The following B3GALT1 variants were observed in gnomAD, a reference collection of about 807,000 sequenced individuals.
B3GALT1 encodes beta-1,3-galactosyltransferase 1, also known as UDP-Gal:betaGlcNAc beta 1,3-galactosyltransferase, polypeptide 1.
Under a neutral mutation model 23.2 loss-of-function variants are expected in B3GALT1, and 10 were observed. The ratio of observed to expected loss-of-function variants is 0.43; its 90% CI spans 0.27 to 0.73. The LOEUF is 0.73. Ranked by LOEUF, B3GALT1 falls within the 30% of genes least tolerant of loss-of-function variation. B3GALT1 has a pLI of 0.21. For synonymous variants in B3GALT1, 156 were observed against 141.5 expected (o/e 1.10, Z -0.73); for missense variants, 299 against 405.4 (o/e 0.74, Z 2.25).
At chr2:167,444,852 T>A (rs1323815378) in intron 1 of B3GALT1, among the ~76,000 whole-genome samples, 1 of 152,198 alleles carries the variant, frequency 6.6e-6, no homozygotes, top group East Asian at 1.9e-4. Context: ...GAGTTTTTTG[T>A]GTCTGTATCT....
At chr2:167,303,686 G>C (rs1340276677) in intron 1 of B3GALT1, among the ~76,000 whole-genome samples, 4 of 136,844 alleles carry the variant, frequency 2.9e-5, no homozygotes, top group African/African-American at 1.1e-4. Context: ...CACACACAGA[G>C]AGAGACCTTG....
intron 3 of B3GALT1, among the ~76,000 whole-genome samples, chr2:167,696,397 A>G (rs557535807): frequency 6.1e-4 from 93 of 151,918 alleles, no homozygotes; most frequent in African/African-American, 2.2e-3. Context: ...GTAGGTGCTC[A>G]ATTAATGATG....
intron 3 of B3GALT1, among the ~76,000 whole-genome samples, chr2:167,718,984 G>A (rs537225919): frequency 1.2e-4 from 19 of 152,072 alleles, no homozygotes; most frequent in Non-Finnish European, 2.1e-4. Context: ...GAATTCTAGC[G>A]TACAATTTAA....
chr2:167,435,989 A>ACGCACG (rs1553519040), intron 1 of B3GALT1, among the ~76,000 whole-genome samples: 1 of 106,054 alleles, frequency 9.4e-6, no homozygotes, highest in African/African-American at 5.9e-5. Flanking sequence ...ACACGCACAC[A>ACGCACG]CACACACGCA....
chr2:167,664,439 A>G (rs1214262300), intron 3 of B3GALT1, among the ~76,000 whole-genome samples: 3 of 151,976 alleles, frequency 2.0e-5, no homozygotes, highest in African/African-American at 7.3e-5. Flanking sequence ...TGACTTGGCA[A>G]TGCGGGCTCT....
intron 3 of B3GALT1, among the ~76,000 whole-genome samples, chr2:167,771,222 A>G (rs2105308537): frequency 6.6e-6 from 1 of 152,332 alleles, no homozygotes; most frequent in African/African-American, 2.4e-5. Flanking sequence ...TGCCTGACAT[A>G]TATTGGCATC....
chr2:167,787,751 C>T (rs573849818), intron 3 of B3GALT1, among the ~76,000 whole-genome samples: 29 of 152,270 alleles, frequency 1.9e-4, no homozygotes, highest in Admixed American at 3.9e-4. Context: ...TTTCCCAAGA[C>T]GACTCCCTTG....
intron 1 of B3GALT1, among the ~76,000 whole-genome samples, chr2:167,464,344 G>A (rs1382306678): frequency 6.6e-6 from 1 of 152,146 alleles, no homozygotes; most frequent in African/African-American, 2.4e-5. Context: ...TCTTTTCAGA[G>A]AAGAATTGAG....
intron 2 of B3GALT1, among the ~76,000 whole-genome samples, chr2:167,530,547 T>C (rs1490697105): frequency 2.0e-5 from 3 of 152,208 alleles, no homozygotes; most frequent in African/African-American, 7.2e-5. Flanking sequence ...TGGATTGGAC[T>C]GAATAATCCA....
chr2:167,360,705 C>T (rs1697486259), intron 1 of B3GALT1, among the ~76,000 whole-genome samples: 3 of 152,204 alleles, frequency 2.0e-5, no homozygotes, highest in Admixed American at 1.3e-4. Flanking sequence ...GTTATCTTTT[C>T]TTTATGTTAG....
At chr2:167,387,782 A>T (rs1697950248) in intron 1 of B3GALT1, among the ~76,000 whole-genome samples, 1 of 152,220 alleles carries the variant, frequency 6.6e-6, no homozygotes, top group Non-Finnish European at 1.5e-5. Flanking sequence ...GGAAAAAAAA[A>T]TAGTTAGTGT....
At chr2:167,435,433 C>CAAAAAAA (rs1159357073) in intron 1 of B3GALT1, among the ~76,000 whole-genome samples, 8 of 26,212 alleles carry the variant, frequency 3.1e-4, no homozygotes, top group South Asian at 1.4e-3. Flanking sequence ...CATATGCTTG[C>CAAAAAAA]AAAAAAAAAA....
intron 2 of B3GALT1, among the ~76,000 whole-genome samples, chr2:167,561,059 A>G (rs1683976475): frequency 6.6e-6 from 1 of 152,142 alleles, no homozygotes; most frequent in African/African-American, 2.4e-5. Context: ...GTTGGAAGTA[A>G]AGCTCTCCTC....
At chr2:167,303,456 T>A (rs1696487340) in intron 1 of B3GALT1, among the ~76,000 whole-genome samples, 1 of 152,146 alleles carries the variant, frequency 6.6e-6, no homozygotes, top group Non-Finnish European at 1.5e-5. Flanking sequence ...ACATTATTTA[T>A]GGGTATGTCT....
intron 1 of B3GALT1, among the ~76,000 whole-genome samples, chr2:167,293,856 G>A (rs1436085271): frequency 6.6e-6 from 1 of 151,544 alleles, no homozygotes; most frequent in East Asian, 2.0e-4. Context: ...TTTGCCCCGG[G>A]GACTTCGGAG....
Position 167,622,926 on chromosome 2 carries a change from G to A in B3GALT1, c.-409-23983G>A, listed in dbSNP as rs544844296. ...TGACTATGGAGTGTGAACTGTAATC[G>A]TGGACTCAAGATCAAACAGTCAAGA... On this transcript the variant is annotated intron_variant, in intron 2 of 4. Transcript: ENST00000392690. Among the ~76,000 whole-genome samples, 17 of 152,032 alleles carry A rather than the reference G, an allele frequency of 1.1e-4. No homozygotes were observed. In the East Asian group the frequency reaches 2.7e-3, roughly 24 times the overall value.
At chr2:167,834,743 G>C (rs985640790) in intron 4 of B3GALT1, among the ~76,000 whole-genome samples, 1 of 152,068 alleles carries the variant, frequency 6.6e-6, no homozygotes, top group Non-Finnish European at 1.5e-5. Flanking sequence ...CAGCTACTCA[G>C]GAGGCTGAAG....
At chr2:167,798,259 C>A (rs1373963192) in intron 3 of B3GALT1, among the ~76,000 whole-genome samples, 3 of 152,116 alleles carry the variant, frequency 2.0e-5, no homozygotes, top group Admixed American at 2.0e-4. Flanking sequence ...ATAATAGTTT[C>A]TTTTGCTGTG....
At chr2:167,790,787 C>T (rs1688425127) in intron 3 of B3GALT1, among the ~76,000 whole-genome samples, 1 of 152,120 alleles carries the variant, frequency 6.6e-6, no homozygotes, top group South Asian at 2.1e-4. Flanking sequence ...GTCTAATTTG[C>T]CATTTATTGT....
Sources: gnomAD v4.1 joint callset for allele counts (sites outside exome capture counted in the v4.1 genomes callset) on GRCh38, gnomAD v4.1.1 for gene constraint, MANE v1.5 for transcripts, NCBI Gene and HGNC (gene_info 2026-07-23, HGNC 2026-07-21) for gene names.